The following FHIT variants were observed in gnomAD, a reference collection of about 807,000 sequenced individuals.
FHIT encodes the protein bis(5'-adenosyl)-triphosphatase.
In FHIT, 19 loss-of-function variants were observed where a neutral mutation model predicts 17.9. The ratio of observed to expected loss-of-function variants is 1.06; its 90% CI spans 0.74 to 1.56. FHIT has a LOEUF of 1.56. Ranked by LOEUF, FHIT falls within the 40% of genes most tolerant of loss-of-function variation. The probability of loss-of-function intolerance (pLI) is 0.00; values close to 1 mark genes in which losing one functional copy is unlikely to be tolerated. For synonymous variants in FHIT, 81 were observed against 69.7 expected, an observed-to-expected ratio of 1.16 and a Z score of -0.81; for missense variants, 248 against 189.2, an observed-to-expected ratio of 1.31 and a Z score of -1.82.
chr3:60,307,964 G>A (rs1174869707), intron 5 of FHIT, among the ~76,000 whole-genome samples: 1 of 152,150 alleles, frequency 6.6e-6, no homozygotes, highest in African/African-American at 2.4e-5. Flanking sequence ...AGTGAGCACT[G>A]TGCACAGTGC....
chr3:59,849,278 C>A (rs1259648152), intron 8 of FHIT, among the ~76,000 whole-genome samples: 1 of 152,006 alleles, frequency 6.6e-6, no homozygotes, highest in Non-Finnish European at 1.5e-5. Context: ...GAGGCTGAGG[C>A]ATGAGAATCA....
chr3:60,612,493 G>C (rs2038816511), intron 4 of FHIT, among the ~76,000 whole-genome samples: 1 of 152,148 alleles, frequency 6.6e-6, no homozygotes, highest in Non-Finnish European at 1.5e-5. Flanking sequence ...ATCTATGCCT[G>C]GCTTTAGCAG....
intron 4 of FHIT, among the ~76,000 whole-genome samples, chr3:60,573,812 T>C (rs1386897773): frequency 1.3e-5 from 2 of 152,016 alleles, no homozygotes; most frequent in African/African-American, 2.4e-5. Flanking sequence ...TTGTGTACTT[T>C]TTTTTTTTAT....
intron 5 of FHIT, among the ~76,000 whole-genome samples, chr3:60,149,753 G>A (rs1222766560): frequency 6.6e-6 from 1 of 151,866 alleles, no homozygotes; most frequent in African/African-American, 2.4e-5. Flanking sequence ...GCCAAGCTAA[G>A]AGGCACATCT....
At chr3:59,856,027 C>T (rs939126153) in intron 8 of FHIT, among the ~76,000 whole-genome samples, 7 of 151,976 alleles carry the variant, frequency 4.6e-5, no homozygotes, top group African/African-American at 1.7e-4. Context: ...GTGATCCACC[C>T]GCCTCGGCCT....
intron 5 of FHIT, among the ~76,000 whole-genome samples, chr3:60,131,583 C>G (rs1474065092): frequency 6.6e-6 from 1 of 152,156 alleles, no homozygotes; most frequent in Admixed American, 6.6e-5. Flanking sequence ...CAGCTACAGC[C>G]TTTCCCCCCA....
At position 59,805,150 on chromosome 3, in the gene FHIT, C is replaced by T. The variant is rs569940422; in HGVS notation, c.349-52829G>A. Among the ~76,000 whole-genome samples, 331 of 152,196 alleles carry T rather than the reference C, an allele frequency of 2.2e-3. 1 individual carries two copies. The highest frequency in any genetic ancestry group is 0.01 in the Middle Eastern group (3 of 294). On this transcript the variant is annotated intron_variant, in intron 8 of 9. Coordinates refer to ENST00000492590, the MANE Select transcript of FHIT (RefSeq NM_002012.4). ...AGAAACTCAAAGTGTCCCTTTCCGG[C>T]GTGTCCTGCTCTGTGGGCACTTACT...
chr3:60,854,388 A>G (rs990105909), intron 3 of FHIT, among the ~76,000 whole-genome samples: 6 of 152,078 alleles, frequency 3.9e-5, no homozygotes, highest in Non-Finnish European at 5.9e-5. Flanking sequence ...ATTAATTGCA[A>G]TCTAGCTAAC....
At chr3:60,831,403 G>C (rs550843754) in intron 3 of FHIT, among the ~76,000 whole-genome samples, 338 of 152,126 alleles carry the variant, frequency 2.2e-3, no homozygotes, top group Non-Finnish European at 3.4e-3. Flanking sequence ...TAAATCTCTG[G>C]ACTTGGCAGT....
chr3:59,943,283 A>G (rs991964007), intron 7 of FHIT, among the ~76,000 whole-genome samples: 1 of 150,230 alleles, frequency 6.7e-6, no homozygotes, highest in Admixed American at 6.6e-5. Flanking sequence ...GACAGAGTCA[A>G]TTTTTTTTTT....
intron 2 of FHIT, among the ~76,000 whole-genome samples, chr3:61,121,749 CTT>C (rs1358680045): frequency 6.6e-6 from 1 of 152,268 alleles, no homozygotes; most frequent in East Asian, 1.9e-4. Flanking sequence ...CAATATTAAA[CTT>C]AACTGTAAAC....
intron 5 of FHIT, among the ~76,000 whole-genome samples, chr3:60,463,665 GAGGTTAT>G (rs2032611935): frequency 6.6e-6 from 1 of 152,194 alleles, no homozygotes; most frequent in Non-Finnish European, 1.5e-5. Context: ...GTCCATGTGG[GAGGTTAT>G]AGCATGCCCA....
intron 5 of FHIT, among the ~76,000 whole-genome samples, chr3:60,105,881 A>G (rs983353382): frequency 2.0e-5 from 3 of 152,218 alleles, no homozygotes; most frequent in Non-Finnish European, 4.4e-5. Flanking sequence ...TTCAGAGAAA[A>G]GAATTCTACA....
chr3:59,862,644 A>G (rs1331451580), intron 8 of FHIT, among the ~76,000 whole-genome samples: 3 of 152,218 alleles, frequency 2.0e-5, no homozygotes, highest in Non-Finnish European at 4.4e-5. Context: ...CCTCTAAAGC[A>G]AACCCTGAAG....
chr3:61,233,369 C>A (rs921483926), intron 1 of FHIT, among the ~76,000 whole-genome samples: 2 of 152,146 alleles, frequency 1.3e-5, no homozygotes, highest in African/African-American at 4.8e-5. Context: ...AATCCAGTAA[C>A]ATGCAACTGT....
intron 7 of FHIT, among the ~76,000 whole-genome samples, chr3:59,931,473 A>G (rs764605410): frequency 6.6e-6 from 1 of 152,182 alleles, no homozygotes; most frequent in African/African-American, 2.4e-5. Flanking sequence ...TCAAGAATCA[A>G]ATTAGTGGCC....
At chr3:60,052,004 C>T (rs1209825599) in intron 5 of FHIT, among the ~76,000 whole-genome samples, 22 of 152,120 alleles carry the variant, frequency 1.4e-4, no homozygotes, top group Admixed American at 1.4e-3. Flanking sequence ...TGTGGAGCCT[C>T]TATTTGCACC....
chr3:60,324,072 A>G (rs73836726), intron 5 of FHIT, among the ~76,000 whole-genome samples: 1,578 of 152,278 alleles, frequency 0.01, 37 homozygotes, highest in African/African-American at 0.035. Flanking sequence ...GATGATGCTG[A>G]TAAGAAACAG....
At chr3:59,965,645 G>A (rs901237959) in intron 7 of FHIT, among the ~76,000 whole-genome samples, 4 of 152,044 alleles carry the variant, frequency 2.6e-5, no homozygotes. Flanking sequence ...CTGGAGTTTA[G>A]GTTTATTAGA....
Sources: gnomAD v4.1 joint callset for allele counts (sites outside exome capture counted in the v4.1 genomes callset) on GRCh38, gnomAD v4.1.1 for gene constraint, MANE v1.5 for transcripts, NCBI Gene and HGNC (gene_info 2026-07-23, HGNC 2026-07-21) for gene names.